IGF1R: variants seen among roughly 807,000 people sequenced by gnomAD.
IGF1R encodes the protein insulin-like growth factor 1 receptor.
A neutral mutation model predicts 144.6 loss-of-function variants in IGF1R; 44 were observed. The ratio of observed to expected loss-of-function variants is 0.30; its 90% confidence interval spans 0.24 to 0.39. The LOEUF (loss-of-function observed/expected upper bound fraction) is 0.39. Among genes scored for constraint, IGF1R ranks in the 10% least tolerant of loss-of-function variants. IGF1R has a pLI of 1.00. For missense variants in IGF1R, 1,355 were observed against 1,833.7 expected (o/e 0.74, Z 4.77); for synonymous variants, 795 against 722.8 (o/e 1.10, Z -1.60).
chr15:98,933,829 G>A (rs12438495), intron 15 of IGF1R, among the ~76,000 whole-genome samples: 69,022 of 151,470 alleles, frequency 0.46, 15,839 homozygotes, highest in African/African-American at 0.52. Context: ...GGGCACCACC[G>A]GGTCTCTCCC....
chr15:98,897,830 T>G (rs2014279836), intron 4 of IGF1R, among the ~76,000 whole-genome samples: 2 of 152,188 alleles, frequency 1.3e-5, no homozygotes, highest in Admixed American at 6.5e-5. Context: ...GACCACTTGG[T>G]CAAGGTACTG....
chr15:98,925,647 G>A (rs967889085), intron 13 of IGF1R, among the ~76,000 whole-genome samples: 52 of 152,320 alleles, frequency 3.4e-4, no homozygotes, highest in African/African-American at 1.2e-3. Context: ...TCACGCCTGT[G>A]ATCCCAACAC....
chr15:98,860,372 A>C (rs1204014805), intron 2 of IGF1R, among the ~76,000 whole-genome samples: 1 of 152,234 alleles, frequency 6.6e-6, no homozygotes, highest in African/African-American at 2.4e-5. Context: ...ACTCCGTGAA[A>C]GCAGGAGCCA....
chr15:98,701,634 C>T (rs140124235), intron 1 of IGF1R, among the ~76,000 whole-genome samples: 30 of 152,260 alleles, frequency 2.0e-4, no homozygotes, highest in East Asian at 5.8e-4. Flanking sequence ...CCGCCGCACC[C>T]GGCCAACCTA....
chr15:98,706,616 T>G (rs988628745), intron 1 of IGF1R, among the ~76,000 whole-genome samples: 1 of 151,824 alleles, frequency 6.6e-6, no homozygotes, highest in Non-Finnish European at 1.5e-5. Flanking sequence ...CCTCATGGTG[T>G]GTATTAATAC....
At chr15:98,673,485 A>G (rs986633998) in intron 1 of IGF1R, among the ~76,000 whole-genome samples, 1 of 152,230 alleles carries the variant, frequency 6.6e-6, no homozygotes, top group Non-Finnish European at 1.5e-5. Flanking sequence ...AAAAGACTCA[A>G]ATCCCTGGGC....
At chr15:98,875,111 C>A (rs1289729901) in intron 2 of IGF1R, among the ~76,000 whole-genome samples, 1 of 152,064 alleles carries the variant, frequency 6.6e-6, no homozygotes. Context: ...CTGGCCTGCC[C>A]AGGTCCTCGG....
At chr15:98,849,963 A>G (rs1421690318) in intron 2 of IGF1R, among the ~76,000 whole-genome samples, 1 of 152,262 alleles carries the variant, frequency 6.6e-6, no homozygotes, top group African/African-American at 2.4e-5. Flanking sequence ...TAGCACATCT[A>G]TAGAGGAGAA....
chr15:98,914,192 A>G (rs537217651), intron 8 of IGF1R, among the ~76,000 whole-genome samples: 30 of 152,368 alleles, frequency 2.0e-4, no homozygotes, highest in African/African-American at 7.0e-4. Context: ...CTTCACTCCC[A>G]TGACCCAATC....
At chr15:98,850,145 ATAAG>A (rs1421617702) in intron 2 of IGF1R, among the ~76,000 whole-genome samples, 2 of 152,226 alleles carry the variant, frequency 1.3e-5, no homozygotes, top group African/African-American at 4.8e-5. Flanking sequence ...CACTGAGGGA[ATAAG>A]TAAGTTAGGG....
intron 15 of IGF1R, among the ~76,000 whole-genome samples, chr15:98,932,075 A>G (rs541271703): frequency 3.9e-5 from 6 of 152,220 alleles, no homozygotes; most frequent in Non-Finnish European, 8.8e-5. Context: ...TGAAGTGTCC[A>G]GGAAGAGAAA....
intron 15 of IGF1R, among the ~76,000 whole-genome samples, chr15:98,933,153 C>T (rs185090996): frequency 7.2e-5 from 11 of 152,220 alleles, no homozygotes; most frequent in African/African-American, 2.7e-4. Context: ...GACATTAGCA[C>T]ACAGCGTCAG....
At chr15:98,919,121 A>C (rs1292975865) in intron 10 of IGF1R, among the ~76,000 whole-genome samples, 1 of 152,222 alleles carries the variant, frequency 6.6e-6, no homozygotes, top group Non-Finnish European at 1.5e-5. Context: ...ACTGGAACTC[A>C]ATGAGGTTTG....
At chr15:98,793,807 A>T (rs150171058) in intron 2 of IGF1R, among the ~76,000 whole-genome samples, 1 of 152,232 alleles carries the variant, frequency 6.6e-6, no homozygotes, top group Non-Finnish European at 1.5e-5. Flanking sequence ...TATTTCAGCC[A>T]AGATAAAACT....
chr15:98,868,613 G>T (rs771202276), intron 2 of IGF1R, among the ~76,000 whole-genome samples: 2 of 152,148 alleles, frequency 1.3e-5, no homozygotes, highest in African/African-American at 2.4e-5. Context: ...CTGAAGTCAG[G>T]TCGCCCAGGT....
intron 2 of IGF1R, among the ~76,000 whole-genome samples, chr15:98,814,768 G>T (rs2056660436): frequency 6.6e-6 from 1 of 151,854 alleles, no homozygotes; most frequent in Non-Finnish European, 1.5e-5. Context: ...AAAGAGAAAT[G>T]AATGGAAGAC....
chr15:98,723,875 G>A (rs1284604036), intron 2 of IGF1R, among the ~76,000 whole-genome samples: 1 of 152,154 alleles, frequency 6.6e-6, no homozygotes, highest in African/African-American at 2.4e-5. Context: ...AAGTGGGGCA[G>A]TAGATTAGGA....
chr15:98,797,115 C>G (rs982127314), intron 2 of IGF1R, among the ~76,000 whole-genome samples: 2 of 152,184 alleles, frequency 1.3e-5, no homozygotes, highest in African/African-American at 4.8e-5. Flanking sequence ...TTTCGTTGTT[C>G]CTGGCTTCTC....
intron 2 of IGF1R, among the ~76,000 whole-genome samples, chr15:98,808,506 G>A (rs2056513774): frequency 6.6e-6 from 1 of 152,074 alleles, no homozygotes; most frequent in African/African-American, 2.4e-5. Flanking sequence ...GGGCTTAAAA[G>A]CAAGTAAGTT....
Sources: gnomAD v4.1 joint callset for allele counts (sites outside exome capture counted in the v4.1 genomes callset) on GRCh38, gnomAD v4.1.1 for gene constraint, MANE v1.5 for transcripts, NCBI Gene and HGNC (gene_info 2026-07-23, HGNC 2026-07-21) for gene names.